The following TGFB2 variants were observed in gnomAD, a reference collection of about 807,000 sequenced individuals.
TGFB2 encodes the protein transforming growth factor beta-2 proprotein.
TGFB2 carries 13 observed loss-of-function variants against 42.7 expected under a neutral mutation model. The observed-to-expected ratio is 0.30, with a 90% CI of 0.20 to 0.48. The LOEUF (loss-of-function observed/expected upper bound fraction) is 0.48, where lower values mean the gene tolerates loss of function less well. Among genes scored for constraint, TGFB2 ranks in the 20% least tolerant of loss-of-function variants. The pLI is 0.99. For missense variants in TGFB2, 390 were observed against 517.5 expected, an observed-to-expected ratio of 0.75 and a Z score of 2.39; for synonymous variants, 193 against 193.6, an observed-to-expected ratio of 1.00 and a Z score of 0.03.
chr1:218,361,844 C>T (rs1452037978), intron 1 of TGFB2, among the ~76,000 whole-genome samples: 1 of 152,168 alleles, frequency 6.6e-6, no homozygotes, highest in Non-Finnish European at 1.5e-5. Flanking sequence ...TAAAAATAAA[C>T]AGCATGGTTT....
At chr1:218,417,922 C>G (rs1659333739) in intron 2 of TGFB2, among the ~76,000 whole-genome samples, 1 of 152,246 alleles carries the variant, frequency 6.6e-6, no homozygotes, top group Non-Finnish European at 1.5e-5. Context: ...GCCTAGATTT[C>G]AGAAGATGTG....
intron 2 of TGFB2, among the ~76,000 whole-genome samples, chr1:218,423,928 T>C (rs1659537679): frequency 6.6e-6 from 1 of 152,252 alleles, no homozygotes; most frequent in Non-Finnish European, 1.5e-5. Flanking sequence ...AGCCATAGTT[T>C]AGGCTTGTCT....
At chr1:218,417,390 T>C (rs573302825) in intron 2 of TGFB2, among the ~76,000 whole-genome samples, 1 of 152,280 alleles carries the variant, frequency 6.6e-6, no homozygotes, top group Admixed American at 6.5e-5. Flanking sequence ...AGACAGATGA[T>C]TTAGGGTATC....
intron 2 of TGFB2, among the ~76,000 whole-genome samples, chr1:218,424,620 G>A (rs1206164737): frequency 2.6e-5 from 4 of 152,084 alleles, no homozygotes; most frequent in Non-Finnish European, 5.9e-5. Context: ...GAGACCACTG[G>A]GCTAGAAAGA....
chr1:218,424,474 A>C (rs1659556901), intron 2 of TGFB2, among the ~76,000 whole-genome samples: 1 of 152,222 alleles, frequency 6.6e-6, no homozygotes, highest in African/African-American at 2.4e-5. Context: ...AGCAGCTTCT[A>C]CATCACCTGG....
intron 1 of TGFB2, among the ~76,000 whole-genome samples, chr1:218,388,801 A>G (rs1658222216): frequency 6.6e-6 from 1 of 152,204 alleles, no homozygotes. Context: ...CATAATGAAG[A>G]GAAAAATCGC....
chr1:218,352,285 G>A (rs1656893937), intron 1 of TGFB2, among the ~76,000 whole-genome samples: 1 of 152,192 alleles, frequency 6.6e-6, no homozygotes, highest in African/African-American at 2.4e-5. Flanking sequence ...TTTGCCAGAT[G>A]TGCTTGCTCT....
At chr1:218,398,680 C>T (rs188352453) in intron 1 of TGFB2, among the ~76,000 whole-genome samples, 1,890 of 152,100 alleles carry the variant, frequency 0.012, 31 homozygotes, top group African/African-American at 0.043. Flanking sequence ...CTCTGCCTCC[C>T]GGGTTCAAGC....
chr1:218,434,334 C>T lies in TGFB2; in HGVS notation c.644-4C>T, dbSNP rs11466408. 6.8e-6 allele frequency: 11 copies of T among 1,613,074 alleles called. No homozygotes were observed. In the African/African-American group the frequency reaches 1.5e-4, roughly 22 times the overall value. On this transcript the variant is annotated splice_polypyrimidine_tract_variant and splice_region_variant and intron_variant, in intron 3 of 6. Coordinates refer to ENST00000366930, the MANE Select transcript of TGFB2 (RefSeq NM_003238.6). ...AATGACCTCCTTGACTTAATGTTTT[C>T]CAGACAGGAACCTGGGATTTAAAAT...
intron 1 of TGFB2, among the ~76,000 whole-genome samples, chr1:218,400,102 T>G (rs900848763): frequency 3.9e-5 from 6 of 152,132 alleles, no homozygotes; most frequent in African/African-American, 1.4e-4. Flanking sequence ...AGAATTCAGA[T>G]AGCCTTGAAG....
chr1:218,425,831 A>G (rs1659605935), intron 2 of TGFB2, among the ~76,000 whole-genome samples: 4 of 152,234 alleles, frequency 2.6e-5, no homozygotes, highest in African/African-American at 9.6e-5. Flanking sequence ...AGATGGTTTC[A>G]AAGTGCCTTG....
At chr1:218,417,344 G>A (rs989734514) in intron 2 of TGFB2, among the ~76,000 whole-genome samples, 1 of 152,202 alleles carries the variant, frequency 6.6e-6, no homozygotes, top group African/African-American at 2.4e-5. Flanking sequence ...ATGGCATTTT[G>A]CCCCTACCCT....
chr1:218,391,003 T>G (rs1043120646), intron 1 of TGFB2, among the ~76,000 whole-genome samples: 1 of 152,236 alleles, frequency 6.6e-6, no homozygotes, highest in Admixed American at 6.5e-5. Context: ...ATCTGGTAAC[T>G]TAACGTTTCT....
At chr1:218,411,549 T>A (rs1659098438) in intron 2 of TGFB2, among the ~76,000 whole-genome samples, 1 of 152,118 alleles carries the variant, frequency 6.6e-6, no homozygotes, top group South Asian at 2.1e-4. Flanking sequence ...TGCAAATGTC[T>A]AAGGTAGAAA....
chr1:218,438,254 G>A (rs764761445), intron 6 of TGFB2, among the ~76,000 whole-genome samples: 6 of 151,908 alleles, frequency 3.9e-5, no homozygotes, highest in Non-Finnish European at 8.8e-5. Flanking sequence ...ATGTCACATA[G>A]TATCATATAT....
At chr1:218,375,140 A>G (rs1657699284) in intron 1 of TGFB2, among the ~76,000 whole-genome samples, 2 of 152,228 alleles carry the variant, frequency 1.3e-5, no homozygotes, top group Non-Finnish European at 2.9e-5. Flanking sequence ...ACGAGTTCAT[A>G]TAATGGGCCT....
chr1:218,418,521 T>C (rs1171786194), intron 2 of TGFB2, among the ~76,000 whole-genome samples: 1 of 152,194 alleles, frequency 6.6e-6, no homozygotes, highest in East Asian at 1.9e-4. Context: ...TGTGGACTTT[T>C]GAGTTAATGC....
chr1:218,372,464 T>A (rs1657604030), intron 1 of TGFB2, among the ~76,000 whole-genome samples: 1 of 152,218 alleles, frequency 6.6e-6, no homozygotes, highest in Admixed American at 6.5e-5. Context: ...AGACTGCTGC[T>A]TACCTTGTCC....
At chr1:218,379,808 TG>T (rs1558236092) in intron 1 of TGFB2, among the ~76,000 whole-genome samples, 1 of 152,216 alleles carries the variant, frequency 6.6e-6, no homozygotes, top group Non-Finnish European at 1.5e-5. Flanking sequence ...TTTTAGTTAA[TG>T]GAGGAAGCTG....
Sources: allele counts gnomAD v4.1 joint callset (sites outside exome capture counted in the v4.1 genomes callset), GRCh38; gene constraint gnomAD v4.1.1; transcripts MANE v1.5; gene names NCBI Gene and HGNC (gene_info 2026-07-23, HGNC 2026-07-21).